Variants in CCSER1 observed in about 807,000 individuals in gnomAD.
The protein encoded by CCSER1 is serine-rich coiled-coil domain-containing protein 1.
Under a neutral mutation model 82.0 loss-of-function variants are expected in CCSER1, and 41 were observed. The observed-to-expected ratio is 0.50, with a 90% CI of 0.39 to 0.65. The LOEUF (loss-of-function observed/expected upper bound fraction) is 0.65, where lower values mean the gene tolerates loss of function less well. Among genes scored for constraint, CCSER1 ranks in the 30% least tolerant of loss-of-function variants. CCSER1 has a pLI of 0.00. For synonymous variants in CCSER1, 414 were observed against 383.9 expected, an observed-to-expected ratio of 1.08 and a Z score of -0.92; for missense variants, 1,119 against 1,064.2, an observed-to-expected ratio of 1.05 and a Z score of -0.72.
intron 5 of CCSER1, among the ~76,000 whole-genome samples, chr4:90,475,828 T>C (rs1239831321): frequency 6.6e-6 from 1 of 152,096 alleles, no homozygotes; most frequent in Non-Finnish European, 1.5e-5. Context: ...TGTGGGCCAA[T>C]TTGCTAGTCT....
chr4:90,873,693 T>A (rs991650961), intron 8 of CCSER1, among the ~76,000 whole-genome samples: 1 of 152,130 alleles, frequency 6.6e-6, no homozygotes, highest in Non-Finnish European at 1.5e-5. Context: ...TAAGGAAATA[T>A]ACATTACCTG....
intron 8 of CCSER1, among the ~76,000 whole-genome samples, chr4:90,905,354 C>T (rs1281204897): frequency 1.7e-5 from 1 of 59,276 alleles, no homozygotes; most frequent in African/African-American, 5.9e-5. Flanking sequence ...ACGTTCTAGT[C>T]ACACCACACA....
intron 3 of CCSER1, among the ~76,000 whole-genome samples, chr4:90,391,813 TC>T (rs1018105236): frequency 3.3e-5 from 5 of 151,836 alleles, no homozygotes; most frequent in Non-Finnish European, 7.4e-5. Context: ...TAATCACTTT[TC>T]CCAGATTTTT....
chr4:91,059,926 T>C (rs1490693539), intron 9 of CCSER1, among the ~76,000 whole-genome samples: 1 of 152,070 alleles, frequency 6.6e-6, no homozygotes, highest in Non-Finnish European at 1.5e-5. Flanking sequence ...CACAAACCTC[T>C]CTATCACTGC....
At chr4:91,288,699 A>T (rs1743510967) in intron 10 of CCSER1, among the ~76,000 whole-genome samples, 1 of 152,078 alleles carries the variant, frequency 6.6e-6, no homozygotes, top group Non-Finnish European at 1.5e-5. Context: ...CCTAAAATGC[A>T]GGGGAAAGAG....
At chr4:90,594,514 C>G (rs1032462011) in intron 5 of CCSER1, among the ~76,000 whole-genome samples, 1 of 152,052 alleles carries the variant, frequency 6.6e-6, no homozygotes, top group African/African-American at 2.4e-5. Context: ...CTTTCTACCA[C>G]TATAGTAAAC....
In CCSER1 at chr4:90,915,142, G is replaced by A. The variant is rs997733939; in HGVS notation, c.2095-8228G>A. ...ACTATTCCAATCAATAGAAAAAGAG[G>A]GAATCCTCCCTAACTCATTTCGTGA... On this transcript the variant is annotated intron_variant, in intron 8 of 10. Coordinates refer to ENST00000509176, the MANE Select transcript of CCSER1 (RefSeq NM_001145065.2). Among the ~76,000 whole-genome samples the A allele has an allele frequency of 2.6e-5, 4 of 152,232 alleles. No homozygotes were observed. In the East Asian group the frequency reaches 5.8e-4, roughly 22 times the overall value.
chr4:91,055,215 A>C (rs1250015481), intron 9 of CCSER1, among the ~76,000 whole-genome samples: 2 of 152,304 alleles, frequency 1.3e-5, no homozygotes, highest in East Asian at 3.9e-4. Flanking sequence ...TTAAACTTAT[A>C]AAACTCTAAT....
At chr4:91,387,982 C>T (rs1187929089) in intron 10 of CCSER1, among the ~76,000 whole-genome samples, 1 of 151,918 alleles carries the variant, frequency 6.6e-6, no homozygotes, top group Non-Finnish European at 1.5e-5. Flanking sequence ...AATAAAGTAA[C>T]ACTTTTTCAT....
chr4:90,144,153 A>C (rs1437487798), intron 1 of CCSER1, among the ~76,000 whole-genome samples: 1 of 151,966 alleles, frequency 6.6e-6, no homozygotes. Flanking sequence ...CAAAATTTGG[A>C]TTTGTTTCTT....
At chr4:91,521,418 T>C (rs551953709) in intron 10 of CCSER1, among the ~76,000 whole-genome samples, 1 of 152,280 alleles carries the variant, frequency 6.6e-6, no homozygotes, top group Non-Finnish European at 1.5e-5. Flanking sequence ...CTGGGTCAAA[T>C]GGTATTTCTA....
chr4:90,898,960 G>A (rs1724184378), intron 8 of CCSER1, among the ~76,000 whole-genome samples: 1 of 151,764 alleles, frequency 6.6e-6, no homozygotes, highest in Non-Finnish European at 1.5e-5. Flanking sequence ...TTTTAGCATT[G>A]ATTTTTCTAA....
At chr4:90,348,670 AAGG>A (rs1458728592) in intron 3 of CCSER1, among the ~76,000 whole-genome samples, 1 of 152,152 alleles carries the variant, frequency 6.6e-6, no homozygotes, top group Admixed American at 6.5e-5. Context: ...GATTAAATGA[AAGG>A]AGTTTATAAT....
chr4:90,976,271 A>AG (rs1437729579), intron 9 of CCSER1, among the ~76,000 whole-genome samples: 2 of 151,384 alleles, frequency 1.3e-5, no homozygotes, highest in Non-Finnish European at 3.0e-5. Flanking sequence ...GAATGATTGT[A>AG]TAATTTACAA....
chr4:90,884,674 T>C (rs1194519146), intron 8 of CCSER1, among the ~76,000 whole-genome samples: 1 of 152,178 alleles, frequency 6.6e-6, no homozygotes, highest in Non-Finnish European at 1.5e-5. Context: ...AATGTGTTTC[T>C]ATAAGCTTGA....
At chr4:90,494,995 A>C (rs74609404) in intron 5 of CCSER1, among the ~76,000 whole-genome samples, 2,451 of 152,152 alleles carry the variant, frequency 0.016, 39 homozygotes, top group African/African-American at 0.047. Flanking sequence ...CTGTTCATTC[A>C]CATTCATTTC....
chr4:91,347,466 AT>A (rs2149294900), intron 10 of CCSER1, among the ~76,000 whole-genome samples: 1 of 151,070 alleles, frequency 6.6e-6, no homozygotes, highest in Admixed American at 6.6e-5. Flanking sequence ...TTCTTATGAA[AT>A]TTAGAACACA....
At chr4:91,074,302 A>ATTC (rs1403007101) in intron 9 of CCSER1, among the ~76,000 whole-genome samples, 1 of 152,206 alleles carries the variant, frequency 6.6e-6, no homozygotes, top group Non-Finnish European at 1.5e-5. Flanking sequence ...TACATAGAGA[A>ATTC]CATGCAACAA....
At chr4:91,493,016 C>T (rs1354668315) in intron 10 of CCSER1, among the ~76,000 whole-genome samples, 1 of 151,884 alleles carries the variant, frequency 6.6e-6, no homozygotes, top group African/African-American at 2.4e-5. Context: ...GAAGCAAACT[C>T]ATAATGATAG....
Sources: allele counts gnomAD v4.1 joint callset (sites outside exome capture counted in the v4.1 genomes callset), GRCh38; gene constraint gnomAD v4.1.1; transcripts MANE v1.5; gene names NCBI Gene and HGNC (gene_info 2026-07-23, HGNC 2026-07-21).